The following KDSR variants were observed in gnomAD, a reference collection of about 807,000 sequenced individuals.
KDSR encodes the protein 3-ketodihydrosphingosine reductase.
Under a neutral mutation model 41.3 loss-of-function variants are expected in KDSR, and 23 were observed. The observed-to-expected ratio is 0.56, with a 90% CI of 0.40 to 0.79. The LOEUF is 0.79. KDSR is among the 30% of genes least tolerant of loss of function. KDSR has a pLI of 0.00. For synonymous variants in KDSR, 138 were observed against 151.7 expected (o/e 0.91, Z 0.66); for missense variants, 351 against 416.8 (o/e 0.84, Z 1.37).
At chr18:63,358,796 CAGAG>C (rs1397647652) in intron 3 of KDSR, among the ~76,000 whole-genome samples, 1 of 103,796 alleles carries the variant, frequency 9.6e-6, no homozygotes, top group Non-Finnish European at 1.8e-5. Flanking sequence ...GCCTGGGTGA[CAGAG>C]AGAGACTCTG....
Position 63,367,180 on chromosome 18 carries a change from G to T in KDSR, c.-62C>A, listed in dbSNP as rs1385173693. On this transcript the variant is annotated 5_prime_UTR_variant, in exon 1 of 10. Transcript: ENST00000645214. ...GGGGCCGCCGGGCAAGGCGCGCAGG[G>T]CTGGGCTGCGGCGAGGCGAGAATCA... The T allele has an allele frequency of 2.3e-6, 2 of 880,472 alleles. No homozygotes were observed. Among genetic ancestry groups the T allele is most frequent in the African/African-American group, 1.8e-5 (1 of 56,784 alleles). The allele number at this position is 880,472 out of a possible 1,614,324, so 54.5% of individuals were successfully genotyped here. A position where few individuals can be genotyped will look rare whatever the true frequency, so the allele number is the denominator to read the frequency against.
chr18:63,350,954 G>A lies in KDSR; in HGVS notation c.543C>T (p.Phe181=), dbSNP rs757901419. 4.3e-6 allele frequency: 7 copies of A among 1,614,082 alleles called. No homozygotes were observed. The highest frequency in any genetic ancestry group is 1.7e-5 in the Admixed American group (1 of 60,018). The change falls in exon 6 of 10, where the codon TTC becomes TTT. Residue 181 remains phenylalanine (F), a synonymous_variant. Transcript: ENST00000645214. ...VSSQAGQLGL[F]GFTAYSASKF... is the part of the protein sequence containing the mutation. ...TGGATGCAGAGTAGGCTGTGAAACC[G>A]AATAATCCCAACTGTCCTGCCTGGG... is the stretch of plus-strand genomic sequence containing the variant.
At chr18:63,360,620 C>G (rs1914931227) in intron 2 of KDSR, among the ~76,000 whole-genome samples, 1 of 152,168 alleles carries the variant, frequency 6.6e-6, no homozygotes. Context: ...TGGTGGCTCA[C>G]CCCTGTAATC....
rs150005424 is a variant in KDSR, at chr18:63,331,421, T to A, written c.*361A>T. ...CAAGATTTCTTTATGTGCCAGAAAG[T>A]ACATTTCTGGACTTAATCTCTAGGG... On this transcript the variant is annotated 3_prime_UTR_variant, in exon 10 of 10. Transcript: ENST00000645214. The A allele has an allele frequency of 2.8e-4, 66 of 235,906 alleles. No individual in the cohort carries two copies. Among genetic ancestry groups the A allele is most frequent in the African/African-American group, 1.4e-3 (63 of 45,546 alleles). The allele number at this position is 235,906 out of a possible 1,614,324, so 14.6% of individuals were successfully genotyped here. A position where few individuals can be genotyped will look rare whatever the true frequency, so the allele number is the denominator to read the frequency against.
chr18:63,358,794 GAC>G (rs1394447901), intron 3 of KDSR, among the ~76,000 whole-genome samples: 1 of 116,682 alleles, frequency 8.6e-6, no homozygotes, highest in Non-Finnish European at 1.7e-5. Context: ...CAGCCTGGGT[GAC>G]AGAGAGAGAC....
chr18:63,352,405 C>A (rs1168309350), intron 5 of KDSR, among the ~76,000 whole-genome samples: 1 of 152,154 alleles, frequency 6.6e-6, no homozygotes, highest in African/African-American at 2.4e-5. Context: ...ACCTCTGCCT[C>A]CTGGGTTCAA....
At chr18:63,351,313 C>T (rs1452076768) in intron 5 of KDSR, among the ~76,000 whole-genome samples, 2 of 152,196 alleles carry the variant, frequency 1.3e-5, no homozygotes, top group African/African-American at 4.8e-5. Context: ...TCTAGTCTTG[C>T]ATTCTGACCA....
chr18:63,366,991 AGCAAC>A lies in KDSR; in HGVS notation c.108+15_108+19del. The stretch of plus-strand genomic sequence containing the variant: ...CGCGCGGGCCGGTAAGTCGGGGGGC[AGCAAC>A]AGGAGGCCACTCACCACCACATGCG... On this transcript the variant is annotated intron_variant, in intron 1 of 9. Transcript: ENST00000645214. 8.0e-7 allele frequency: 1 copy of A among 1,253,084 alleles called. No individual in the cohort carries two copies. Among genetic ancestry groups the A allele is most frequent in the South Asian group, 3.3e-5 (1 of 29,954 alleles). The allele number at this position is 1,253,084 out of a possible 1,614,324, so 77.6% of individuals were successfully genotyped here.
rs1365963084 is a variant in KDSR, at chr18:63,330,529, G to A, written c.*1253C>T. 4.3e-6 allele frequency: 1 copy of A among 231,944 alleles called. No homozygotes were observed. The highest frequency in any genetic ancestry group is 8.5e-6 in the Non-Finnish European group (1 of 117,330). 14.4% of individuals were successfully genotyped at this position (231,944 alleles called of 1,614,324 possible). ...TTTCCAGGGCTACAGAGTTAGATGA[G>A]TGGGCTTCCTTAGCATGTGGTATAA... On this transcript the variant is annotated 3_prime_UTR_variant, in exon 10 of 10. Transcript: ENST00000645214.
At position 63,364,110 on chromosome 18, in the gene KDSR, G is replaced by A. The variant is rs548916013; in HGVS notation, c.109-1242C>T. On this transcript the variant is annotated intron_variant, in intron 1 of 9. Transcript: ENST00000645214. ...TGGCACATCCTACTTCCCTTGCAAC[G>A]AATGCTCTTCTCCCCACTTCATCTG... Among the ~76,000 whole-genome samples the A allele has an allele frequency of 9.2e-5, 14 of 152,166 alleles. No individual in the cohort carries two copies. The South Asian group carries it at 2.1e-3, about 23-fold the overall frequency.
At chr18:63,346,318 G>C (rs1914500480) in intron 6 of KDSR, 1 of 152,328 alleles carries the variant, frequency 6.6e-6, no homozygotes, top group Non-Finnish European at 1.5e-5. Context: ...TTGTTTTTGA[G>C]ATAGTGACTT....
At chr18:63,363,086 C>A (rs149528208) in intron 1 of KDSR, among the ~76,000 whole-genome samples, 273 of 152,194 alleles carry the variant, frequency 1.8e-3, no homozygotes, top group African/African-American at 5.5e-3. Context: ...TCTTATGGAA[C>A]CATAAATTGC....
At chr18:63,340,044 A>G (rs7235788) in intron 7 of KDSR, among the ~76,000 whole-genome samples, 13,434 of 152,234 alleles carry the variant, frequency 0.088, 738 homozygotes, top group East Asian at 0.28. Flanking sequence ...GCATAACCAC[A>G]CTAAATACAC....
intron 6 of KDSR, among the ~76,000 whole-genome samples, chr18:63,350,433 CTG>C (rs1190181646): frequency 6.6e-6 from 1 of 152,166 alleles, no homozygotes; most frequent in Non-Finnish European, 1.5e-5. Flanking sequence ...GATGAGGAAA[CTG>C]AGAGCAAGTT....
intron 9 of KDSR, among the ~76,000 whole-genome samples, chr18:63,332,961 G>C (rs113531506): frequency 1.8e-3 from 272 of 151,966 alleles, no homozygotes; most frequent in Non-Finnish European, 3.6e-3. Flanking sequence ...TGAAGGATTA[G>C]AAGTTGGCAG....
rs1263481659 is a variant in KDSR at position 63,363,291 on chromosome 18, T to C, written c.109-423A>G. On this transcript the variant is annotated intron_variant, in intron 1 of 9. Transcript: ENST00000645214. ...ATTGTGCAGGTTAGTTACATATGTA[T>C]ACATGTGCCATGCTGGTGCACTGCA... Among the ~76,000 whole-genome samples, 5 of 143,424 alleles carry C rather than the reference T, an allele frequency of 3.5e-5. No individual in the cohort carries two copies. In the Admixed American group the frequency reaches 3.5e-4, roughly 10 times the overall value. The allele number at this position is 143,424 out of a possible 152,430, so 94.1% of individuals were successfully genotyped here.
chr18:63,364,524 A>G (rs1915079728), intron 1 of KDSR, among the ~76,000 whole-genome samples: 1 of 151,900 alleles, frequency 6.6e-6, no homozygotes, highest in Non-Finnish European at 1.5e-5. Flanking sequence ...GCTCACTGCA[A>G]CCTCCGCCTC....
chr18:63,332,683 T>G (rs1229623699), intron 9 of KDSR, among the ~76,000 whole-genome samples: 1 of 151,922 alleles, frequency 6.6e-6, no homozygotes, highest in Non-Finnish European at 1.5e-5. Flanking sequence ...TACAAAAAAA[T>G]TATCCGCGTG....
At chr18:63,355,712 C>T (rs1314051142) in intron 3 of KDSR, 149 bp from the exon 4 acceptor site, 1 of 1,212,834 alleles carries the variant, frequency 8.2e-7, no homozygotes, top group Non-Finnish European at 1.1e-6. Flanking sequence ...ATGCAATTAG[C>T]AGAATCTAAT....
Sources: allele counts gnomAD v4.1 joint callset (sites outside exome capture counted in the v4.1 genomes callset), GRCh38; gene constraint gnomAD v4.1.1; transcripts MANE v1.5; gene names NCBI Gene and HGNC (gene_info 2026-07-23, HGNC 2026-07-21).